The following BNC2 variants were observed in gnomAD, a reference collection of about 807,000 sequenced individuals.
BNC2 encodes basonuclin zinc finger protein 2.
In BNC2, 20 loss-of-function variants were observed where a neutral mutation model predicts 76.3. The observed-to-expected ratio is 0.26, with a 90% CI of 0.18 to 0.38. The LOEUF (loss-of-function observed/expected upper bound fraction) is 0.38, where lower values mean the gene tolerates loss of function less well. BNC2 is among the 10% of genes least tolerant of loss of function. The pLI is 1.00. For missense variants in BNC2, 1,382 were observed against 1,399.8 expected, an observed-to-expected ratio of 0.99 and a Z score of 0.20; for synonymous variants, 582 against 514.8, an observed-to-expected ratio of 1.13 and a Z score of -1.77.
intron 6 of BNC2, among the ~76,000 whole-genome samples, chr9:16,420,484 C>CT (rs1820687521): frequency 6.6e-6 from 1 of 151,908 alleles, no homozygotes; most frequent in Non-Finnish European, 1.5e-5. Flanking sequence ...ACCCACCCAC[C>CT]TTTTTAAAAA....
intron 3 of BNC2, among the ~76,000 whole-genome samples, chr9:16,649,857 T>G (rs1243255956): frequency 6.6e-6 from 1 of 152,178 alleles, no homozygotes; most frequent in African/African-American, 2.4e-5. Flanking sequence ...ATTCGCTCAG[T>G]AGTAAACTTC....
chr9:16,862,678 A>G (rs561676533), intron 1 of BNC2, among the ~76,000 whole-genome samples: 4 of 152,288 alleles, frequency 2.6e-5, no homozygotes, highest in Non-Finnish European at 5.9e-5. Context: ...ACCACACAGC[A>G]CTAACCTATT....
At chr9:16,752,762 G>A (rs1258391372) in intron 1 of BNC2, among the ~76,000 whole-genome samples, 3 of 152,106 alleles carry the variant, frequency 2.0e-5, no homozygotes, top group Admixed American at 6.5e-5. Flanking sequence ...ATAACTTGCC[G>A]TATTTGTGCA....
chr9:16,460,966 G>A (rs1217305384), intron 5 of BNC2, among the ~76,000 whole-genome samples: 1 of 151,558 alleles, frequency 6.6e-6, no homozygotes, highest in Admixed American at 6.6e-5. Flanking sequence ...AAATATGACT[G>A]TACAACTTGA....
At chr9:16,424,250 G>A (rs1820762309) in intron 6 of BNC2, among the ~76,000 whole-genome samples, 1 of 151,104 alleles carries the variant, frequency 6.6e-6, no homozygotes. Context: ...TTAAGATATC[G>A]GGGAGACACG....
intron 4 of BNC2, among the ~76,000 whole-genome samples, chr9:16,558,230 T>C (rs1818899287): frequency 6.6e-6 from 1 of 152,214 alleles, no homozygotes; most frequent in Non-Finnish European, 1.5e-5. Flanking sequence ...GCATAACAAC[T>C]GGTTCAAGAA....
intron 1 of BNC2, among the ~76,000 whole-genome samples, chr9:16,756,181 C>A (rs73646239): frequency 0.014 from 2,128 of 152,312 alleles, 57 homozygotes; most frequent in African/African-American, 0.049. Context: ...AACTTCATAG[C>A]CACTTTTGAG....
intron 5 of BNC2, among the ~76,000 whole-genome samples, chr9:16,514,188 A>C (rs12335443): frequency 0.032 from 4,831 of 152,250 alleles, 194 homozygotes; most frequent in South Asian, 0.14. Context: ...ATTACTCAAG[A>C]TTCGTCTGGT....
At chr9:16,665,488 A>AAGAAAGAAAG (rs1370606458) in intron 3 of BNC2, among the ~76,000 whole-genome samples, 1 of 135,526 alleles carries the variant, frequency 7.4e-6, no homozygotes, top group Non-Finnish European at 1.6e-5. Flanking sequence ...GAAAGAAAGA[A>AAGAAAGAAAG]AGAGAGAGAG....
At chr9:16,793,854 G>GGT (rs1563946166) in intron 1 of BNC2, among the ~76,000 whole-genome samples, 6 of 85,590 alleles carry the variant, frequency 7.0e-5, no homozygotes, top group African/African-American at 1.6e-4. Flanking sequence ...GTTTTTTGTG[G>GGT]TTTTTGTTTT....
In BNC2 at chr9:16,690,497, GTATT is replaced by G. The variant is rs1381393374; in HGVS notation, c.330+37296_330+37299del. Among the ~76,000 whole-genome samples the G allele has an allele frequency of 6.1e-5, 9 of 147,726 alleles. No individual in the cohort carries two copies. In the East Asian group the frequency reaches 2.1e-3, roughly 34 times the overall value. On this transcript the variant is annotated intron_variant, in intron 3 of 6. Transcript: ENST00000380672. ...TACATACATACATACTAACGACACA[GTATT>G]TATTATCCAGCCTGAGTGACAGAGT... is the stretch of plus-strand genomic sequence containing the variant.
intron 3 of BNC2, among the ~76,000 whole-genome samples, chr9:16,713,740 T>A (rs1311271081): frequency 1.3e-5 from 2 of 152,080 alleles, no homozygotes; most frequent in Non-Finnish European, 2.9e-5. Flanking sequence ...GAAGCTGCAT[T>A]AAGTTTCCAA....
intron 1 of BNC2, among the ~76,000 whole-genome samples, chr9:16,742,074 A>G (rs745657918): frequency 2.2e-4 from 33 of 152,210 alleles, no homozygotes; most frequent in Admixed American, 3.3e-4. Context: ...TGAAGAAAAT[A>G]AAGTAAAACA....
chr9:16,524,467 T>C (rs1292873661), intron 5 of BNC2, among the ~76,000 whole-genome samples: 1 of 151,936 alleles, frequency 6.6e-6, no homozygotes, highest in Non-Finnish European at 1.5e-5. Context: ...GGCCCAAATC[T>C]CCTTGATTCC....
chr9:16,737,562 T>TC (rs34557388), intron 2 of BNC2, among the ~76,000 whole-genome samples: 10 of 150,778 alleles, frequency 6.6e-5, no homozygotes, highest in Non-Finnish European at 1.2e-4. Flanking sequence ...TTTTTTTTTT[T>TC]AAAGATGGGG....
chr9:16,765,898 T>G (rs895837010), intron 1 of BNC2, among the ~76,000 whole-genome samples: 1 of 152,032 alleles, frequency 6.6e-6, no homozygotes, highest in East Asian at 1.9e-4. Flanking sequence ...GCCATTCTCC[T>G]GCCTCAGCCT....
rs1455254836 is a variant in BNC2, at chr9:16,417,896, A to G, written c.*1093T>C. The G allele has an allele frequency of 1.3e-5, 2 of 152,690 alleles. No individual in the cohort carries two copies. The highest frequency in any genetic ancestry group is 2.9e-5 in the Non-Finnish European group (2 of 68,048). 9.5% of individuals were successfully genotyped at this position (152,690 alleles called of 1,614,324 possible). A position where few individuals can be genotyped will look rare whatever the true frequency, so the allele number is the denominator to read the frequency against. On this transcript the variant is annotated 3_prime_UTR_variant, in exon 7 of 7. Coordinates refer to ENST00000380672, the MANE Select transcript of BNC2 (RefSeq NM_017637.6). ...CATTCGGCACTTGAAAGAATCACCA[A>G]GTGTTTTTTTAAAAAGCGGTTTTCT...
chr9:16,604,453 C>A, intron 3 of BNC2, among the ~76,000 whole-genome samples: 1 of 152,046 alleles, frequency 6.6e-6, no homozygotes, highest in East Asian at 1.9e-4. Context: ...CAGATGGCTA[C>A]AAAACTATGC....
chr9:16,760,019 G>A (rs900331894), intron 1 of BNC2, among the ~76,000 whole-genome samples: 1 of 152,074 alleles, frequency 6.6e-6, no homozygotes, highest in Non-Finnish European at 1.5e-5. Context: ...CACCGCGCGG[G>A]GCCAGAGACA....
Sources: allele counts gnomAD v4.1 joint callset (sites outside exome capture counted in the v4.1 genomes callset), GRCh38; gene constraint gnomAD v4.1.1; transcripts MANE v1.5; gene names NCBI Gene and HGNC (gene_info 2026-07-23, HGNC 2026-07-21).